IL22RA1: variants seen among roughly 807,000 people sequenced by gnomAD.
IL22RA1 encodes the protein interleukin-22 receptor subunit alpha-1.
A neutral mutation model predicts 32.8 loss-of-function variants in IL22RA1; 25 were observed. The ratio of observed to expected loss-of-function variants is 0.76; its 90% CI spans 0.55 to 1.06. The LOEUF is 1.06. IL22RA1 is among the 50% of genes least tolerant of loss of function. IL22RA1 has a pLI of 0.00. For synonymous variants in IL22RA1, 305 were observed against 305.0 expected (o/e 1.00, Z 0.00); for missense variants, 709 against 727.4 (o/e 0.97, Z 0.29).
At chr1:24,123,592 C>G in intron 5 of IL22RA1, 169 bp from the exon 6 acceptor site, 2 of 1,356,980 alleles carry the variant, frequency 1.5e-6, no homozygotes, top group Non-Finnish European at 1.9e-6. Context: ...TACTGTACAT[C>G]TAAATAGTCA....
chr1:24,138,985 C>T (rs1391514931), intron 1 of IL22RA1, among the ~76,000 whole-genome samples: 1 of 152,248 alleles, frequency 6.6e-6, no homozygotes, highest in Admixed American at 6.5e-5. Context: ...CCATAAATGT[C>T]ACCACCTTAC....
chr1:24,126,910 C>A (rs939939393), intron 5 of IL22RA1, among the ~76,000 whole-genome samples: 2 of 151,916 alleles, frequency 1.3e-5, no homozygotes, highest in Non-Finnish European at 2.9e-5. Flanking sequence ...ATGGCTCATG[C>A]CTGTAATCCC....
chr1:24,140,115 C>T (rs936686717), intron 1 of IL22RA1, among the ~76,000 whole-genome samples: 4 of 152,262 alleles, frequency 2.6e-5, no homozygotes, highest in Non-Finnish European at 5.9e-5. Context: ...GTGAAGTGCA[C>T]AGCCTCTTTC....
chr1:24,123,522 G>T (rs756173538), intron 5 of IL22RA1, 99 bp from the exon 6 acceptor site: 10 of 1,541,370 alleles, frequency 6.5e-6, no homozygotes, highest in Non-Finnish European at 8.8e-6. Flanking sequence ...AACCCTCTCT[G>T]GCTGGGCTGG....
rs1366235409 is a variant in IL22RA1 at position 24,134,262 on chromosome 1, G to A, written c.480C>T (p.Phe160=). Residue 160 remains phenylalanine, a synonymous_variant, in exon 4 of 7, where the codon TTC becomes TTT. Coordinates refer to ENST00000270800, the MANE Select transcript of IL22RA1 (RefSeq NM_021258.4). ...GCTCTAAGTGGTAGAACAGGTCATG[G>A]AAGATGTCTTCCAGGGTTAGCCGGT... ...DGHRLTLEDI[F]HDLFYHLELQ... is the part of the protein sequence containing the mutation. 2 of 1,612,074 alleles carry A rather than the reference G, an allele frequency of 1.2e-6. No individual in the cohort carries two copies. Among genetic ancestry groups the A allele is most frequent in the Admixed American group, 1.7e-5 (1 of 59,824 alleles).
At chr1:24,138,858 A>T in intron 1 of IL22RA1, 144 bp from the exon 2 acceptor site, 11 of 945,434 alleles carry the variant, frequency 1.2e-5, no homozygotes, top group Non-Finnish European at 1.7e-5. Context: ...GTGGGCAGGG[A>T]GACCCTGGCC....
At chr1:24,137,713 C>T (rs1005972133) in intron 2 of IL22RA1, among the ~76,000 whole-genome samples, 2 of 151,944 alleles carry the variant, frequency 1.3e-5, no homozygotes, top group African/African-American at 4.8e-5. Flanking sequence ...ACAGTATGGC[C>T]ACCCTGTTGG....
chr1:24,138,296 A>T (rs1490377570), intron 2 of IL22RA1, among the ~76,000 whole-genome samples: 1 of 152,196 alleles, frequency 6.6e-6, no homozygotes, highest in Non-Finnish European at 1.5e-5. Context: ...CATTGTCCTC[A>T]CTTTGTGGGT....
intron 4 of IL22RA1, among the ~76,000 whole-genome samples, chr1:24,133,582 C>T (rs1644221357): frequency 6.6e-6 from 1 of 152,190 alleles, no homozygotes; most frequent in South Asian, 2.1e-4. Flanking sequence ...ATTACTCATC[C>T]TTCCACATTG....
chr1:24,139,510 C>T (rs773005205), intron 1 of IL22RA1, among the ~76,000 whole-genome samples: 86 of 152,050 alleles, frequency 5.7e-4, no homozygotes, highest in Non-Finnish European at 7.8e-4. Context: ...GAAGAACTGT[C>T]GAACTATTTT....
chr1:24,124,514 G>T (rs767027585), intron 5 of IL22RA1, among the ~76,000 whole-genome samples: 3 of 152,178 alleles, frequency 2.0e-5, no homozygotes, highest in Non-Finnish European at 4.4e-5. Flanking sequence ...GGAAGAGGTT[G>T]TTGGAGTTTT....
intron 2 of IL22RA1, among the ~76,000 whole-genome samples, chr1:24,137,979 C>G (rs1037485542): frequency 1.3e-5 from 2 of 152,076 alleles, no homozygotes; most frequent in Non-Finnish European, 2.9e-5. Context: ...CCTGTTATCC[C>G]CATTTTACAG....
chr1:24,134,649 G>A (rs1026763300), intron 3 of IL22RA1, among the ~76,000 whole-genome samples: 8 of 152,266 alleles, frequency 5.3e-5, no homozygotes, highest in Admixed American at 4.6e-4. Context: ...CCCTAGCTTG[G>A]TCATGCCTTT....
chr1:24,121,141 T>A lies in IL22RA1; in HGVS notation c.1389A>T (p.Ser463=). The change falls in exon 7 of 7, where the codon TCA becomes TCT. Residue 463 remains serine (S), a synonymous_variant. Coordinates refer to ENST00000270800, the MANE Select transcript of IL22RA1 (RefSeq NM_021258.4). ...TGCAAATCCCCAGGGGCTGGTGCAATGATTTTGCTTCTTGGGATTCCTCCA... is the reference window on the plus strand; with the variant it reads ...TGCAAATCCCCAGGGGCTGGTGCAAAGATTTTGCTTCTTGGGATTCCTCCA... ...LAMEESQEAK[S]LHQPLGICTD... 1 of 1,614,156 alleles carries A rather than the reference T, an allele frequency of 6.2e-7. No homozygotes were observed. The highest frequency in any genetic ancestry group is 2.2e-5 in the East Asian group (1 of 44,894).
chr1:24,131,928 C>T (rs1644207555), intron 4 of IL22RA1, among the ~76,000 whole-genome samples: 1 of 152,090 alleles, frequency 6.6e-6, no homozygotes, highest in Admixed American at 6.6e-5. Flanking sequence ...TCTCTGACCA[C>T]AAATTGAATT....
chr1:24,140,896 A>G (rs1396024435), intron 1 of IL22RA1, among the ~76,000 whole-genome samples: 1 of 152,232 alleles, frequency 6.6e-6, no homozygotes, highest in Non-Finnish European at 1.5e-5. Context: ...CCTTCCCCAG[A>G]CACGTCTACG....
rs1248891804 is a variant in IL22RA1 at position 24,121,555 on chromosome 1, G to C, written c.975C>G (p.Thr325=). The C allele has an allele frequency of 1.9e-6, 3 of 1,606,754 alleles. No individual in the cohort carries two copies. The stretch of plus-strand genomic sequence containing the variant: ...TGGAGATGTCTGGCTGCCCTAAGTA[G>C]GTGATCTCGGACAGGCTATGCCGCT... ...APQRHSLSEI[T]YLGQPDISIL... is the part of the protein sequence containing the mutation. Residue 325 remains threonine (T), a synonymous_variant, in exon 7 of 7, where the codon ACC becomes ACG. Coordinates refer to ENST00000270800, the MANE Select transcript of IL22RA1 (RefSeq NM_021258.4).
At chr1:24,135,475 T>C (rs1476184952) in intron 3 of IL22RA1, among the ~76,000 whole-genome samples, 1 of 152,256 alleles carries the variant, frequency 6.6e-6, no homozygotes, top group Non-Finnish European at 1.5e-5. Flanking sequence ...TAAAAAGCTA[T>C]GTGTGACTAT....
intron 1 of IL22RA1, among the ~76,000 whole-genome samples, chr1:24,139,478 G>C (rs891124262): frequency 5.3e-5 from 8 of 152,142 alleles, no homozygotes; most frequent in Non-Finnish European, 1.0e-4. Context: ...AGGTTATATA[G>C]TAGCTCTATC....
Sources: gnomAD v4.1 joint callset for allele counts (sites outside exome capture counted in the v4.1 genomes callset) on GRCh38, gnomAD v4.1.1 for gene constraint, MANE v1.5 for transcripts, NCBI Gene and HGNC (gene_info 2026-07-23, HGNC 2026-07-21) for gene names.